PTCHD4: variants seen among roughly 807,000 people sequenced by gnomAD.
PTCHD4 encodes patched domain-containing protein 4.
Under a neutral mutation model 58.1 loss-of-function variants are expected in PTCHD4, and 33 were observed. The ratio of observed to expected loss-of-function variants is 0.57; its 90% CI spans 0.43 to 0.76. The LOEUF (loss-of-function observed/expected upper bound fraction) is 0.76, where lower values mean the gene tolerates loss of function less well. PTCHD4 is among the 30% of genes least tolerant of loss of function. PTCHD4 has a pLI of 0.00. For missense variants in PTCHD4, 1,058 were observed against 1,027.1 expected (o/e 1.03, Z -0.41); for synonymous variants, 478 against 409.6 (o/e 1.17, Z -2.02).
intron 3 of PTCHD4, among the ~76,000 whole-genome samples, chr6:48,016,794 T>C (rs955489462): frequency 6.6e-6 from 1 of 150,576 alleles, no homozygotes; most frequent in Non-Finnish European, 1.5e-5. Context: ...TAAGAGAGGA[T>C]GGAGACATTA....
At chr6:48,105,890 A>C (rs6923396) in intron 1 of PTCHD4, among the ~76,000 whole-genome samples, 27,574 of 152,126 alleles carry the variant, frequency 0.18, 2,740 homozygotes, top group African/African-American at 0.25. Context: ...CTCTCCCAAG[A>C]CTAAACCAGG....
At chr6:47,898,312 C>A (rs949698607) in intron 4 of PTCHD4, among the ~76,000 whole-genome samples, 1 of 152,144 alleles carries the variant, frequency 6.6e-6, no homozygotes, top group African/African-American at 2.4e-5. Flanking sequence ...ATAATCCTGT[C>A]TCTAAAATTT....
In PTCHD4 at chr6:47,861,935, G is replaced by T. The variant is rs922318250; in HGVS notation, c.*16368C>A. On this transcript the variant is annotated 3_prime_UTR_variant, in exon 5 of 5. Coordinates refer to ENST00000339488, the MANE Select transcript of PTCHD4 (RefSeq NM_001384253.1). ...GGTCATTTTATTTTCCTAGTTCCTA[G>T]GTAACTGTCCATATTTCCTGTTATC... Among the ~76,000 whole-genome samples the T allele has an allele frequency of 1.3e-5, 2 of 151,740 alleles. No individual in the cohort carries two copies. Among genetic ancestry groups the T allele is most frequent in the Non-Finnish European group, 2.9e-5 (2 of 67,824 alleles).
intron 3 of PTCHD4, among the ~76,000 whole-genome samples, chr6:48,037,322 A>G (rs1763675589): frequency 6.6e-6 from 1 of 152,306 alleles, no homozygotes; most frequent in South Asian, 2.1e-4. Flanking sequence ...TGTGTAGGAA[A>G]AAACAGTATA....
chr6:47,969,438 T>C (rs1395611830), intron 4 of PTCHD4, among the ~76,000 whole-genome samples: 2 of 152,248 alleles, frequency 1.3e-5, no homozygotes, highest in African/African-American at 4.8e-5. Flanking sequence ...AAAAATTATT[T>C]GTTGCATTTT....
chr6:48,005,088 GC>G (rs1762384295), intron 4 of PTCHD4, among the ~76,000 whole-genome samples: 2 of 152,012 alleles, frequency 1.3e-5, no homozygotes, highest in African/African-American at 4.8e-5. Flanking sequence ...ATTGTCACTG[GC>G]TTAAAAAATG....
At chr6:47,889,190 G>A (rs1764294504) in intron 4 of PTCHD4, among the ~76,000 whole-genome samples, 1 of 67,866 alleles carries the variant, frequency 1.5e-5, no homozygotes, top group Non-Finnish European at 3.1e-5. Context: ...GGATGGCTGG[G>A]TCAAATGGTA....
At position 47,878,913 on chromosome 6, in the gene PTCHD4, T is replaced by C; in HGVS notation, c.1922A>G (p.Asn641Ser). Residue 641 changes from asparagine to serine, a missense_variant, in exon 5 of 5, where the codon AAC becomes AGC. Asn to Ser is a conservative substitution (Grantham distance 46, BLOSUM62 1). Transcript: ENST00000339488. Reference protein sequence around the residue: ...LSKSIRFIVFNPSFVFMDHYS... With the variant: ...LSKSIRFIVFSPSFVFMDHYS... ...ATGGTCCATGAAGACAAAGGAGGGG[T>C]TGAACACGATGAATCGGATGCTCTT... is the stretch of plus-strand genomic sequence containing the variant. The C allele has an allele frequency of 6.2e-7, 1 of 1,613,246 alleles. No individual in the cohort carries two copies. The highest frequency in any genetic ancestry group is 8.5e-7 in the Non-Finnish European group (1 of 1,179,698).
At chr6:48,091,811 A>C (rs914191688) in intron 1 of PTCHD4, among the ~76,000 whole-genome samples, 2 of 151,838 alleles carry the variant, frequency 1.3e-5, no homozygotes, top group Non-Finnish European at 2.9e-5. Context: ...ATGCCCAGCT[A>C]ATTTTTTTTT....
In PTCHD4 at chr6:47,858,088, G is replaced by A. The variant is rs1028681573; in HGVS notation, c.*20215C>T. 1.3e-4 allele frequency among the ~76,000 whole-genome samples: 20 copies of A among 152,002 alleles called. No individual in the cohort carries two copies. The highest frequency in any genetic ancestry group is 3.4e-4 in the African/African-American group (14 of 41,422). On this transcript the variant is annotated 3_prime_UTR_variant, in exon 5 of 5. Transcript: ENST00000339488. ...CATCTATGGACATTTGAATTTGAGT[G>A]TTGTCCATGTACTTCCTTGTTGTAC...
chr6:48,031,192 C>T (rs567933134), intron 3 of PTCHD4, among the ~76,000 whole-genome samples: 5 of 152,118 alleles, frequency 3.3e-5, no homozygotes, highest in Non-Finnish European at 5.9e-5. Flanking sequence ...CTAATCACAT[C>T]TGGTTTCTCC....
At chr6:47,969,685 A>G (rs1331282960) in intron 4 of PTCHD4, among the ~76,000 whole-genome samples, 1 of 152,198 alleles carries the variant, frequency 6.6e-6, no homozygotes, top group East Asian at 1.9e-4. Flanking sequence ...GGGGGCTTGA[A>G]GAATTTCTCA....
rs1486668259 is a variant in PTCHD4 at position 47,870,503 on chromosome 6, G to A, written c.*7800C>T. On this transcript the variant is annotated 3_prime_UTR_variant, in exon 5 of 5. Transcript: ENST00000339488. Reference sequence around the variant, plus strand: ...TTTCTATTATAGTTAAGAAAAACCTGTTTTGCAAAATGTTTTTTCACTGAT... The same window carrying A: ...TTTCTATTATAGTTAAGAAAAACCTATTTTGCAAAATGTTTTTTCACTGAT... Among the ~76,000 whole-genome samples the A allele has an allele frequency of 6.6e-6, 1 of 151,532 alleles. No homozygotes were observed. Among genetic ancestry groups the A allele is most frequent in the African/African-American group, 2.4e-5 (1 of 41,346 alleles).
rs1385149857 is a variant in PTCHD4, at chr6:47,878,381, T to C, written c.2454A>G (p.Lys818=). 6.2e-7 allele frequency: 1 copy of C among 1,612,566 alleles called. No individual in the cohort carries two copies. Among genetic ancestry groups the C allele is most frequent in the Non-Finnish European group, 8.5e-7 (1 of 1,179,414 alleles). ...PPSKKHHKKK[K]RAKRKEREEI... ...CCTCTCTCTCCTTTCGCTTGGCACG[T>C]TTCTTTTTCTTGTGGTGCTTTTTGG... is the stretch of plus-strand genomic sequence containing the variant. The change falls in exon 5 of 5, where the codon AAA becomes AAG. Residue 818 remains lysine (K), a synonymous_variant. Transcript: ENST00000339488.
intron 4 of PTCHD4, among the ~76,000 whole-genome samples, chr6:47,950,135 G>A (rs1275068389): frequency 6.7e-6 from 1 of 150,338 alleles, no homozygotes; most frequent in Non-Finnish European, 1.5e-5. Context: ...GCGGTGTTTG[G>A]TTTTTTGTCC....
At chr6:47,953,290 T>C (rs1042658002) in intron 4 of PTCHD4, among the ~76,000 whole-genome samples, 1 of 152,176 alleles carries the variant, frequency 6.6e-6, no homozygotes, top group Non-Finnish European at 1.5e-5. Context: ...TACAATGGTC[T>C]GAATTTTTTA....
intron 4 of PTCHD4, among the ~76,000 whole-genome samples, chr6:47,897,525 T>C (rs1764561538): frequency 6.6e-6 from 1 of 152,180 alleles, no homozygotes; most frequent in Non-Finnish European, 1.5e-5. Context: ...TCCATGTACT[T>C]GGCTGCTAAG....
chr6:47,901,964 C>A (rs576907668), intron 4 of PTCHD4: 46 of 1,260,822 alleles, frequency 3.6e-5, no homozygotes, highest in South Asian at 7.5e-5. Flanking sequence ...AAGTCAGTAA[C>A]AAGAGTTATG....
rs940515330 is a variant in PTCHD4 at position 47,857,603 on chromosome 6, T to C, written c.*20700A>G. Among the ~76,000 whole-genome samples, 2 of 152,022 alleles carry C rather than the reference T, an allele frequency of 1.3e-5. No homozygotes were observed. The highest frequency in any genetic ancestry group is 2.9e-5 in the Non-Finnish European group (2 of 67,966). On this transcript the variant is annotated 3_prime_UTR_variant, in exon 5 of 5. Transcript: ENST00000339488. ...GCATTGCAGTGCTAACTCAATTTCA[T>C]ACCACCGCAAAACTATGGTAAACCA...
Sources: gnomAD v4.1 joint callset for allele counts (sites outside exome capture counted in the v4.1 genomes callset) on GRCh38, gnomAD v4.1.1 for gene constraint, MANE v1.5 for transcripts, NCBI Gene and HGNC (gene_info 2026-07-23, HGNC 2026-07-21) for gene names.